Variants in NIBAN1 observed in about 807,000 individuals in gnomAD.
NIBAN1 encodes the protein niban apoptosis regulator 1.
Under a neutral mutation model 75.1 loss-of-function variants are expected in NIBAN1, and 81 were observed. That is an observed-to-expected ratio of 1.08 (90% CI 0.90 to 1.30). The LOEUF is 1.30. Ranked by LOEUF, NIBAN1 falls within the 50% of genes most tolerant of loss-of-function variation. The pLI is 0.00. For synonymous variants in NIBAN1, 436 were observed against 424.8 expected (o/e 1.03, Z -0.32); for missense variants, 1,133 against 1,128.1 (o/e 1.00, Z -0.06).
chr1:184,901,610 C>T (rs906942127), intron 1 of NIBAN1, among the ~76,000 whole-genome samples: 3 of 152,108 alleles, frequency 2.0e-5, no homozygotes, highest in African/African-American at 4.8e-5. Context: ...AGAAAAGCAG[C>T]CTGTTAATTT....
intron 1 of NIBAN1, among the ~76,000 whole-genome samples, chr1:184,900,523 GC>G (rs1656925799): frequency 6.6e-6 from 1 of 152,184 alleles, no homozygotes; most frequent in African/African-American, 2.4e-5. Flanking sequence ...TAGTCTCTCA[GC>G]ACCGAAAGTA....
intron 5 of NIBAN1, among the ~76,000 whole-genome samples, chr1:184,865,331 G>C (rs1257676760): frequency 6.6e-6 from 1 of 152,038 alleles, no homozygotes; most frequent in African/African-American, 2.4e-5. Context: ...GAAGCTGAAG[G>C]CCATTATAAG....
chr1:184,917,531 A>G (rs923663880), intron 1 of NIBAN1, among the ~76,000 whole-genome samples: 51 of 151,840 alleles, frequency 3.4e-4, no homozygotes, highest in African/African-American at 1.2e-3. Flanking sequence ...TTTTCAAAGC[A>G]GCTCTCACAT....
intron 1 of NIBAN1, among the ~76,000 whole-genome samples, chr1:184,910,038 C>A (rs1199951752): frequency 6.6e-6 from 1 of 152,130 alleles, no homozygotes; most frequent in African/African-American, 2.4e-5. Context: ...AAAATCACTC[C>A]TTTTTCCTAT....
chr1:184,923,143 C>G (rs1269523605), intron 1 of NIBAN1, among the ~76,000 whole-genome samples: 1 of 152,174 alleles, frequency 6.6e-6, no homozygotes, highest in Non-Finnish European at 1.5e-5. Flanking sequence ...TTTGCTCCGT[C>G]CAATGTCCTA....
At chr1:184,796,623 G>A (rs1417930090) in intron 13 of NIBAN1, among the ~76,000 whole-genome samples, 1 of 152,174 alleles carries the variant, frequency 6.6e-6, no homozygotes, top group African/African-American at 2.4e-5. Flanking sequence ...AGTTTCAAAG[G>A]CCTCCAGAGG....
At chr1:184,822,082 G>T (rs193041812) in intron 8 of NIBAN1, among the ~76,000 whole-genome samples, 61 of 152,238 alleles carry the variant, frequency 4.0e-4, no homozygotes, top group Admixed American at 1.5e-3. Context: ...CCATTGTCTC[G>T]CTTGGAAAGC....
rs139577717 is a variant in NIBAN1, at chr1:184,962,102, A to C, written c.55+12200T>G. Among the ~76,000 whole-genome samples, 882 of 152,360 alleles carry C rather than the reference A, an allele frequency of 5.8e-3. 8 individuals are homozygous for C. Among genetic ancestry groups the C allele is most frequent in the African/African-American group, 0.019 (798 of 41,584 alleles). On this transcript the variant is annotated intron_variant, in intron 1 of 13. Coordinates refer to ENST00000367511, the MANE Select transcript of NIBAN1 (RefSeq NM_052966.4). ...ACATCAACATAAGGACTGATGCATT[A>C]AATAACACTTCATTGTGAAACAAAG...
intron 1 of NIBAN1, among the ~76,000 whole-genome samples, chr1:184,971,804 G>C (rs1344923873): frequency 6.6e-6 from 1 of 152,106 alleles, no homozygotes; most frequent in East Asian, 1.9e-4. Context: ...CTACTGAAAG[G>C]CTTCTAGAAA....
intron 5 of NIBAN1, among the ~76,000 whole-genome samples, chr1:184,853,334 C>T (rs918402966): frequency 1.3e-5 from 2 of 152,044 alleles, no homozygotes; most frequent in Admixed American, 6.5e-5. Context: ...TAAATCATAC[C>T]CTTTGTATAA....
chr1:184,928,059 C>T (rs941466023), intron 1 of NIBAN1, among the ~76,000 whole-genome samples: 3 of 152,052 alleles, frequency 2.0e-5, no homozygotes, highest in African/African-American at 7.2e-5. Flanking sequence ...CTTTAGCCAG[C>T]AGGTGATGAA....
chr1:184,903,848 C>A (rs1657017927), intron 1 of NIBAN1, among the ~76,000 whole-genome samples: 1 of 151,010 alleles, frequency 6.6e-6, no homozygotes, highest in Non-Finnish European at 1.5e-5. Flanking sequence ...GCAATCCTCC[C>A]ATCTCAGCCT....
At chr1:184,831,623 T>C (rs484847) in intron 6 of NIBAN1, among the ~76,000 whole-genome samples, 127,316 of 152,152 alleles carry the variant, frequency 0.84, 53,853 homozygotes, top group African/African-American at 0.95. Context: ...ACTGTAGTTG[T>C]CATGTTTTTG....
chr1:184,869,333 T>C (rs1480871399), intron 5 of NIBAN1, among the ~76,000 whole-genome samples: 1 of 152,114 alleles, frequency 6.6e-6, no homozygotes, highest in East Asian at 1.9e-4. Context: ...TCGTCCAGTA[T>C]AAAAAGCGAA....
intron 1 of NIBAN1, among the ~76,000 whole-genome samples, chr1:184,903,291 A>G (rs959873142): frequency 6.6e-6 from 1 of 152,212 alleles, no homozygotes. Flanking sequence ...TGTGCTGGGC[A>G]TTGCGTTAGT....
chr1:184,857,559 A>G (rs1263692549), intron 5 of NIBAN1, among the ~76,000 whole-genome samples: 1 of 152,230 alleles, frequency 6.6e-6, no homozygotes, highest in African/African-American at 2.4e-5. Context: ...ATGAGAATAT[A>G]TGCCTAAAAT....
At chr1:184,864,776 A>G (rs1381177644) in intron 5 of NIBAN1, among the ~76,000 whole-genome samples, 6 of 152,100 alleles carry the variant, frequency 3.9e-5, no homozygotes, top group Non-Finnish European at 7.4e-5. Context: ...AAATGGGCAA[A>G]AGACATGAAT....
intron 2 of NIBAN1, among the ~76,000 whole-genome samples, chr1:184,895,731 G>A (rs1296018986): frequency 2.6e-5 from 4 of 152,036 alleles, no homozygotes; most frequent in Admixed American, 2.6e-4. Flanking sequence ...CACTTTTGGA[G>A]TCTCCAGAGT....
chr1:184,818,078 G>A (rs1309853026), intron 9 of NIBAN1, among the ~76,000 whole-genome samples: 1 of 152,076 alleles, frequency 6.6e-6, no homozygotes, highest in Non-Finnish European at 1.5e-5. Flanking sequence ...GGGGCTGCCC[G>A]ATTCACAAAT....
Sources: allele counts gnomAD v4.1 joint callset (sites outside exome capture counted in the v4.1 genomes callset), GRCh38; gene constraint gnomAD v4.1.1; transcripts MANE v1.5; gene names NCBI Gene and HGNC (gene_info 2026-07-23, HGNC 2026-07-21).